Variants in PTP4A3 observed in about 807,000 individuals in gnomAD.
The protein encoded by PTP4A3 is protein tyrosine phosphatase type IVA 3.
Under a neutral mutation model 15.2 loss-of-function variants are expected in PTP4A3, and 9 were observed. That is an observed-to-expected ratio of 0.59 (90% confidence interval 0.36 to 1.03). The LOEUF is 1.03. Ranked by LOEUF, PTP4A3 falls within the 50% of genes least tolerant of loss-of-function variation. PTP4A3 has a pLI of 0.02. For synonymous variants in PTP4A3, 95 were observed against 102.0 expected (o/e 0.93, Z 0.41); for missense variants, 234 against 252.1 (o/e 0.93, Z 0.49).
chr8:141,422,200 C>T lies in PTP4A3; in HGVS notation c.-41C>T. 6.2e-7 allele frequency: 1 copy of T among 1,604,818 alleles called. No individual in the cohort carries two copies. The highest frequency in any genetic ancestry group is 8.5e-7 in the Non-Finnish European group (1 of 1,172,958). ...TCTCAGGTCGTGTCCCCAGCCTTCT[C>T]TGCAGTCCCTTCTGCCCTGCCGGGC... On this transcript the variant is annotated 5_prime_UTR_variant, in exon 2 of 6. Coordinates refer to ENST00000521578, the MANE Select transcript of PTP4A3 (RefSeq NM_032611.3).
chr8:141,398,662 C>G, intron 1 of PTP4A3, among the ~76,000 whole-genome samples: 1 of 152,028 alleles, frequency 6.6e-6, no homozygotes, highest in African/African-American at 2.4e-5. Context: ...CTGAAGACCC[C>G]CGGATGAGGG....
At chr8:141,419,863 G>A (rs981835915) in intron 1 of PTP4A3, among the ~76,000 whole-genome samples, 1 of 152,174 alleles carries the variant, frequency 6.6e-6, no homozygotes, top group Non-Finnish European at 1.5e-5. Context: ...ACAGGAGTGA[G>A]CCACTGCGCC....
At chr8:141,395,759 C>T (rs561363177) in intron 1 of PTP4A3, among the ~76,000 whole-genome samples, 17 of 152,098 alleles carry the variant, frequency 1.1e-4, no homozygotes, top group Non-Finnish European at 2.1e-4. Flanking sequence ...CTGCAGCCCC[C>T]GTTCATCTAC....
intron 2 of PTP4A3, 93 bp downstream of exon 2, chr8:141,422,438 C>T: frequency 7.3e-7 from 1 of 1,362,820 alleles, no homozygotes; most frequent in East Asian, 2.3e-5. Context: ...GGGTCCCCAG[C>T]CCCGGCTGGC....
At chr8:141,428,834 G>A (rs1299647498) in intron 5 of PTP4A3, among the ~76,000 whole-genome samples, 1 of 152,200 alleles carries the variant, frequency 6.6e-6, no homozygotes, top group Non-Finnish European at 1.5e-5. Flanking sequence ...GTGAACACAG[G>A]CACATACAGA....
At position 141,425,708 on chromosome 8, in the gene PTP4A3, T is replaced by A. The variant is rs574691709; in HGVS notation, c.198+568T>A. The stretch of plus-strand genomic sequence containing the variant: ...GCCCGGTGGACGACTGCCCCCCTGG[T>A]GCAGGCCTGCCCAGCTGCGCCTGGG... On this transcript the variant is annotated intron_variant, in intron 3 of 5. Transcript: ENST00000521578. The surrounding 1 kb of genome is among the most constrained non-coding windows in gnomAD (Gnocchi z 4.2). 1.3e-5 allele frequency among the ~76,000 whole-genome samples: 2 copies of A among 152,196 alleles called. No homozygotes were observed. Among genetic ancestry groups the A allele is most frequent in the South Asian group, 4.1e-4 (2 of 4,826 alleles).
At chr8:141,402,995 C>T (rs557029408) in intron 1 of PTP4A3, among the ~76,000 whole-genome samples, 4 of 152,146 alleles carry the variant, frequency 2.6e-5, no homozygotes, top group Non-Finnish European at 4.4e-5. Context: ...TGGCTGGTCC[C>T]AAGCACCTCC....
intron 3 of PTP4A3, among the ~76,000 whole-genome samples, chr8:141,426,089 C>T (rs1308574924): frequency 6.6e-6 from 1 of 152,192 alleles, no homozygotes; most frequent in Non-Finnish European, 1.5e-5. Context: ...CACCGGTTGT[C>T]TCTAGGAGTT....
chr8:141,401,366 G>A (rs12675426), intron 1 of PTP4A3, among the ~76,000 whole-genome samples: 4 of 152,162 alleles, frequency 2.6e-5, no homozygotes, highest in African/African-American at 9.7e-5. Flanking sequence ...CTGGTGTGGA[G>A]GGGAGGGCAC....
chr8:141,395,099 G>A lies in PTP4A3; in HGVS notation c.-854+3015G>A, dbSNP rs1425114669. ...GCTACCTACGGCAGCTGAGAGCTGC[G>A]CTCTTTAGCCGAGCGGGATCAGGGC... is the stretch of plus-strand genomic sequence containing the variant. On this transcript the variant is annotated intron_variant, in intron 1 of 5. Coordinates refer to ENST00000521578, the MANE Select transcript of PTP4A3 (RefSeq NM_032611.3). Among the ~76,000 whole-genome samples, 3 of 152,322 alleles carry A rather than the reference G, an allele frequency of 2.0e-5. No homozygotes were observed. The East Asian group carries it at 5.8e-4, about 29-fold the overall frequency.
At chr8:141,411,859 GA>G (rs11333721) in intron 1 of PTP4A3, among the ~76,000 whole-genome samples, 56,638 of 151,972 alleles carry the variant, frequency 0.37, 12,841 homozygotes, top group African/African-American at 0.62. Flanking sequence ...GCTGTTTTAA[GA>G]AGAAAATGCA....
intron 1 of PTP4A3, among the ~76,000 whole-genome samples, chr8:141,405,969 G>A (rs562556318): frequency 6.6e-6 from 1 of 152,126 alleles, no homozygotes; most frequent in Non-Finnish European, 1.5e-5. Flanking sequence ...GAGGAGAGGG[G>A]AGTGGTAGGA....
intron 2 of PTP4A3, among the ~76,000 whole-genome samples, chr8:141,423,452 C>T (rs1049397872): frequency 6.6e-6 from 1 of 152,130 alleles, no homozygotes; most frequent in Non-Finnish European, 1.5e-5. Context: ...CACTGTTTGA[C>T]CAGGATCAGG....
rs1047258888 is a variant in PTP4A3 at position 141,425,163 on chromosome 8, C to T, written c.198+23C>T. ...GTGGTGAGGCGCGCGCCACGGGGAC[C>T]CTAGTCACTGCTGCCACCGGGGGAG... On this transcript the variant is annotated intron_variant, in intron 3 of 5. Transcript: ENST00000521578. This position sits in a 1 kb window ranked among gnomAD's most constrained non-coding sequence, Gnocchi z 4.2. 23 of 1,564,372 alleles carry T rather than the reference C, an allele frequency of 1.5e-5. No homozygotes were observed. The highest frequency in any genetic ancestry group is 2.0e-5 in the Non-Finnish European group (23 of 1,139,224).
rs1192753990 is a variant in PTP4A3 at position 141,421,690 on chromosome 8, G to A, written c.-551G>A. The stretch of plus-strand genomic sequence containing the variant: ...CGTGACCCCTGGCCCAAGGCAGCTG[G>A]AGTTGGTTCAGTTCAAGTTCATTCT... On this transcript the variant is annotated 5_prime_UTR_variant, in exon 2 of 6. Transcript: ENST00000521578. The A allele has an allele frequency of 6.5e-6, 1 of 154,240 alleles. No individual in the cohort carries two copies. The highest frequency in any genetic ancestry group is 1.4e-5 in the Non-Finnish European group (1 of 69,598). The allele number at this position is 154,240 out of a possible 1,614,324, so 9.6% of individuals were successfully genotyped here.
At chr8:141,427,670 C>G (rs1297488628) in intron 4 of PTP4A3, 80 bp from the exon 5 acceptor site, 2 of 1,304,346 alleles carry the variant, frequency 1.5e-6, no homozygotes, top group African/African-American at 3.0e-5. Flanking sequence ...CCCCCGTGCC[C>G]TGCATCTTCA....
At chr8:141,426,834 C>A in intron 3 of PTP4A3, 105 bp from the exon 4 acceptor site, 1 of 1,493,474 alleles carries the variant, frequency 6.7e-7, no homozygotes, top group Non-Finnish European at 9.0e-7. Context: ...CTAGTGGGCT[C>A]CTGGCACCCT....
At chr8:141,419,544 C>T (rs1180800270) in intron 1 of PTP4A3, among the ~76,000 whole-genome samples, 1 of 150,802 alleles carries the variant, frequency 6.6e-6, no homozygotes, top group Non-Finnish European at 1.5e-5. Flanking sequence ...ACCTTTACCT[C>T]CTTCTGGGGG....
intron 2 of PTP4A3, among the ~76,000 whole-genome samples, chr8:141,424,246 C>T (rs560605513): frequency 1.3e-5 from 2 of 152,304 alleles, no homozygotes; most frequent in South Asian, 2.1e-4. Context: ...AAAATAGCTA[C>T]GAGAGCAGGT....
Sources: gnomAD v4.1 joint callset for allele counts (sites outside exome capture counted in the v4.1 genomes callset) on GRCh38, gnomAD v4.1.1 for gene constraint, Gnocchi (gnomAD v3.1) non-coding constraint, MANE v1.5 for transcripts, NCBI Gene and HGNC (gene_info 2026-07-23, HGNC 2026-07-21) for gene names.